The following ELAVL2 variants were observed in gnomAD, a reference collection of about 807,000 sequenced individuals.
ELAVL2 encodes ELAV like RNA binding protein 2, also known as ELAV-like protein 2.
A neutral mutation model predicts 34.6 loss-of-function variants in ELAVL2; 4 were observed. The ratio of observed to expected loss-of-function variants is 0.12; its 90% confidence interval spans 0.06 to 0.26. The LOEUF is 0.26. ELAVL2 is among the 10% of genes least tolerant of loss of function. The pLI is 1.00. For missense variants in ELAVL2, 432 were observed against 442.8 expected (o/e 0.98, Z 0.22); for synonymous variants, 193 against 154.8 (o/e 1.25, Z -1.83).
chr9:23,722,504 C>G (rs964279145), intron 3 of ELAVL2, among the ~76,000 whole-genome samples: 1 of 152,196 alleles, frequency 6.6e-6, no homozygotes, highest in African/African-American at 2.4e-5. Flanking sequence ...TAGGCAAAGA[C>G]AGCTCCACTC....
At chr9:23,748,973 G>A (rs2135491561) in intron 2 of ELAVL2, among the ~76,000 whole-genome samples, 1 of 152,154 alleles carries the variant, frequency 6.6e-6, no homozygotes, top group Non-Finnish European at 1.5e-5. Flanking sequence ...CAAAGGCTGG[G>A]AGCAAAGGAG....
At chr9:23,805,041 G>C (rs1169557522) in intron 1 of ELAVL2, among the ~76,000 whole-genome samples, 3 of 152,158 alleles carry the variant, frequency 2.0e-5, no homozygotes, top group Non-Finnish European at 4.4e-5. Context: ...GGGAAAGTCA[G>C]CTGCAACACT....
intron 1 of ELAVL2, among the ~76,000 whole-genome samples, chr9:23,783,681 A>AT: frequency 6.6e-6 from 1 of 152,206 alleles, no homozygotes. Context: ...GATGACTCAG[A>AT]TAAGGAGTTC....
intron 1 of ELAVL2, among the ~76,000 whole-genome samples, chr9:23,820,008 TAC>T (rs1489231388): frequency 2.0e-5 from 3 of 152,060 alleles, no homozygotes; most frequent in Non-Finnish European, 4.4e-5. Context: ...CACTCAGCAA[TAC>T]AGTCACCATT....
chr9:23,817,682 C>T (rs1217394553), intron 1 of ELAVL2, among the ~76,000 whole-genome samples: 2 of 152,078 alleles, frequency 1.3e-5, no homozygotes, highest in East Asian at 1.9e-4. Flanking sequence ...AAAAATTCTT[C>T]CCTTGAAATA....
At chr9:23,772,076 A>C (rs1158254282) in intron 1 of ELAVL2, among the ~76,000 whole-genome samples, 1 of 152,218 alleles carries the variant, frequency 6.6e-6, no homozygotes, top group Admixed American at 6.5e-5. Flanking sequence ...TGTTTGGTAT[A>C]GGCAGATTAA....
At chr9:23,759,754 TTA>T (rs774471922) in intron 2 of ELAVL2, among the ~76,000 whole-genome samples, 5,084 of 81,166 alleles carry the variant, frequency 0.063, 142 homozygotes, top group Non-Finnish European at 0.076. Flanking sequence ...ATATATAGTA[TTA>T]TATATATATA....
intron 2 of ELAVL2, among the ~76,000 whole-genome samples, chr9:23,740,922 C>T (rs1418840075): frequency 6.6e-6 from 1 of 152,138 alleles, no homozygotes; most frequent in Non-Finnish European, 1.5e-5. Flanking sequence ...TGCTTTCATA[C>T]GCATAGCATG....
intron 2 of ELAVL2, among the ~76,000 whole-genome samples, chr9:23,753,264 G>C (rs1307155134): frequency 6.6e-6 from 1 of 152,140 alleles, no homozygotes; most frequent in Non-Finnish European, 1.5e-5. Context: ...GTACTCAGCT[G>C]AAAGTCAATT....
At position 23,760,562 on chromosome 9, in the gene ELAVL2, T is replaced by C. The variant is rs117173621; in HGVS notation, c.229+1444A>G. 9.6e-3 allele frequency among the ~76,000 whole-genome samples: 1,468 copies of C among 152,158 alleles called. 15 individuals carry two copies. The highest frequency in any genetic ancestry group is 0.059 in the East Asian group (302 of 5,160). Reference sequence around the variant, plus strand: ...ACGACAGAGACGTAAGAGCAGCCTTTTGTTCTTCACCTTTTTCAACTTATT... The same window carrying C: ...ACGACAGAGACGTAAGAGCAGCCTTCTGTTCTTCACCTTTTTCAACTTATT... On this transcript the variant is annotated intron_variant, in intron 2 of 6. Transcript: ENST00000397312.
chr9:23,727,235 T>G (rs2045441478), intron 3 of ELAVL2, among the ~76,000 whole-genome samples: 1 of 152,064 alleles, frequency 6.6e-6, no homozygotes. Context: ...GGAAAAAAAG[T>G]GACCTTTAGG....
At chr9:23,818,122 A>C (rs2063980141) in intron 1 of ELAVL2, among the ~76,000 whole-genome samples, 1 of 152,224 alleles carries the variant, frequency 6.6e-6, no homozygotes, top group Non-Finnish European at 1.5e-5. Flanking sequence ...GAACCGGTGA[A>C]GACTTCTACA....
rs757476671 is a variant in ELAVL2, at chr9:23,693,441, T to C, written c.752+7A>G. On this transcript the variant is annotated splice_region_variant and intron_variant, in intron 6 of 6. Transcript: ENST00000397312. ...GGATTATGAGTATCATGAACCTCTA[T>C]CATTACCTCTTTACTCCATAAGCCA... 2.5e-6 allele frequency: 4 copies of C among 1,614,004 alleles called. No individual in the cohort carries two copies. The highest frequency in any genetic ancestry group is 3.3e-5 in the Admixed American group (2 of 60,030).
intron 3 of ELAVL2, among the ~76,000 whole-genome samples, chr9:23,717,633 A>G (rs1473372148): frequency 6.6e-6 from 1 of 152,170 alleles, no homozygotes; most frequent in African/African-American, 2.4e-5. Flanking sequence ...CTTGTAAAAC[A>G]CCATCAACTC....
chr9:23,767,311 A>G (rs1487851884), intron 1 of ELAVL2, among the ~76,000 whole-genome samples: 2 of 152,196 alleles, frequency 1.3e-5, no homozygotes, highest in Non-Finnish European at 2.9e-5. Flanking sequence ...CATATCTGGG[A>G]AGAGTTAAGA....
At chr9:23,805,492 G>A (rs1194174165) in intron 1 of ELAVL2, among the ~76,000 whole-genome samples, 3 of 152,208 alleles carry the variant, frequency 2.0e-5, no homozygotes, top group Non-Finnish European at 4.4e-5. Flanking sequence ...TTTAAAATGA[G>A]TTGCTTTAGA....
chr9:23,839,216 T>C, the ELAVL2 span, among the ~76,000 whole-genome samples: 1 of 152,146 alleles, frequency 6.6e-6, no homozygotes, highest in African/African-American at 2.4e-5. Context: ...TAATGTGTTC[T>C]GTTATCTTTT....
chr9:23,821,820 C>G (rs2064817443), intron 1 of ELAVL2: 1 of 151,496 alleles, frequency 6.6e-6, no homozygotes, highest in Admixed American at 6.6e-5. Context: ...GCCTCAGTGA[C>G]GCCCAGGCGC....
intron 3 of ELAVL2, among the ~76,000 whole-genome samples, 162 bp downstream of exon 3, chr9:23,730,860 C>T (rs1453300644): frequency 6.6e-6 from 1 of 151,774 alleles, no homozygotes; most frequent in Non-Finnish European, 1.5e-5. Context: ...CACTCTTGAA[C>T]AAACAGTTTC....
Sources: allele counts gnomAD v4.1 joint callset (sites outside exome capture counted in the v4.1 genomes callset), GRCh38; gene constraint gnomAD v4.1.1; transcripts MANE v1.5; gene names NCBI Gene and HGNC (gene_info 2026-07-23, HGNC 2026-07-21).